UBXN2B: variants seen among roughly 807,000 people sequenced by gnomAD.
UBXN2B encodes UBX domain protein 2B.
A neutral mutation model predicts 37.5 loss-of-function variants in UBXN2B; 19 were observed. The observed-to-expected ratio is 0.51, with a 90% CI of 0.35 to 0.74. UBXN2B has a LOEUF of 0.74. Among genes scored for constraint, UBXN2B ranks in the 30% least tolerant of loss-of-function variants. The pLI is 0.01. For missense variants in UBXN2B, 370 were observed against 393.2 expected (o/e 0.94, Z 0.50); for synonymous variants, 145 against 143.8 (o/e 1.01, Z -0.06).
chr8:58,419,888 A>C (rs1460922004), intron 2 of UBXN2B, among the ~76,000 whole-genome samples: 1 of 152,226 alleles, frequency 6.6e-6, no homozygotes, highest in Non-Finnish European at 1.5e-5. Flanking sequence ...CCATGCTTAG[A>C]AGGGCCCTGT....
At chr8:58,418,960 A>G (rs1807854417) in intron 2 of UBXN2B, among the ~76,000 whole-genome samples, 1 of 152,228 alleles carries the variant, frequency 6.6e-6, no homozygotes, top group Admixed American at 6.5e-5. Flanking sequence ...TACTGTATTA[A>G]TATTTTCCTT....
chr8:58,431,238 C>CT (rs1490875748), intron 3 of UBXN2B, among the ~76,000 whole-genome samples: 5 of 152,198 alleles, frequency 3.3e-5, no homozygotes, highest in African/African-American at 9.7e-5. Context: ...AATCCTAGCA[C>CT]TTTGGGAGGC....
intron 6 of UBXN2B, among the ~76,000 whole-genome samples, chr8:58,442,907 T>A (rs981070588): frequency 1.3e-5 from 2 of 152,218 alleles, no homozygotes; most frequent in Non-Finnish European, 2.9e-5. Context: ...CACTCTCACT[T>A]ACCTGAGATT....
chr8:58,426,628 G>GT (rs943434868), intron 2 of UBXN2B: 2 of 745,036 alleles, frequency 2.7e-6, no homozygotes, highest in African/African-American at 3.4e-5. Flanking sequence ...CTTATCAACA[G>GT]TGGGTTTTCT....
chr8:58,433,817 A>G (rs1808345262), intron 4 of UBXN2B, among the ~76,000 whole-genome samples: 1 of 152,106 alleles, frequency 6.6e-6, no homozygotes, highest in African/African-American at 2.4e-5. Flanking sequence ...ACAAATATAT[A>G]GTTATTATTA....
intron 5 of UBXN2B, among the ~76,000 whole-genome samples, chr8:58,439,204 T>C (rs1808487482): frequency 6.6e-6 from 1 of 152,174 alleles, no homozygotes; most frequent in Non-Finnish European, 1.5e-5. Context: ...GCCTCGGATA[T>C]TTCCTTATAG....
intron 2 of UBXN2B, chr8:58,426,148 A>G: frequency 9.5e-7 from 1 of 1,057,114 alleles, no homozygotes; most frequent in South Asian, 1.2e-5. Flanking sequence ...ACTCAGCCAA[A>G]GTGGAAAATT....
At chr8:58,422,539 G>A (rs1027251320) in intron 2 of UBXN2B, among the ~76,000 whole-genome samples, 3 of 152,270 alleles carry the variant, frequency 2.0e-5, no homozygotes, top group African/African-American at 7.2e-5. Context: ...AGGCACTTAA[G>A]GTGGAACATT....
Position 58,434,480 on chromosome 8 carries a change from A to G in UBXN2B, c.509A>G (p.Gln170Arg). 1 of 1,561,510 alleles carries G rather than the reference A, an allele frequency of 6.4e-7. No individual in the cohort carries two copies. Among genetic ancestry groups the G allele is most frequent in the Non-Finnish European group, 8.7e-7 (1 of 1,155,924 alleles). ...CCTTACAATGAACCAACAAATGCTCAATTTCTGGAGTCTGTTAAGAGAGGG... is the reference window on the plus strand; with the variant it reads ...CCTTACAATGAACCAACAAATGCTCGATTTCTGGAGTCTGTTAAGAGAGGG... The part of the protein sequence containing the change: ...LRPYNEPTNA[Q>R]FLESVKRGEI... Residue 170 changes from glutamine (Q) to arginine (R), a missense_variant, in exon 5 of 8, where the codon CAA becomes CGA. This residue lies in a region of UBXN2B where 90 missense variants were observed against 139.4 expected (regional missense o/e 0.65). Transcript: ENST00000399598.
At chr8:58,440,786 C>A (rs868748218) in intron 6 of UBXN2B, among the ~76,000 whole-genome samples, 5 of 152,062 alleles carry the variant, frequency 3.3e-5, no homozygotes, top group Non-Finnish European at 7.4e-5. Flanking sequence ...GGAAAAAATT[C>A]AATATTGCTT....
chr8:58,429,757 T>C (rs975174774), intron 2 of UBXN2B, among the ~76,000 whole-genome samples: 1 of 152,246 alleles, frequency 6.6e-6, no homozygotes, highest in Non-Finnish European at 1.5e-5. Context: ...TGGAGAGTTA[T>C]AAGTATTTTA....
intron 3 of UBXN2B, 122 bp from the exon 4 acceptor site, chr8:58,433,038 G>A: frequency 1.5e-6 from 1 of 659,368 alleles, no homozygotes; most frequent in Non-Finnish European, 2.5e-6. Context: ...GGTTCTTGAA[G>A]GCTCCCCAGT....
intron 5 of UBXN2B, among the ~76,000 whole-genome samples, chr8:58,435,421 T>A (rs1210333744): frequency 6.6e-6 from 1 of 152,180 alleles, no homozygotes; most frequent in East Asian, 1.9e-4. Context: ...CTAAGAAGTA[T>A]GCTGAAGGCA....
intron 7 of UBXN2B, among the ~76,000 whole-genome samples, chr8:58,446,872 A>G (rs1808689059): frequency 7.7e-6 from 1 of 129,392 alleles, no homozygotes; most frequent in African/African-American, 2.9e-5. Flanking sequence ...ATCTCAGCCC[A>G]CTACAAACTC....
rs975307253 is a variant in UBXN2B at position 58,411,407 on chromosome 8, G to A, written c.22G>A (p.Glu8Lys). The A allele has an allele frequency of 3.2e-6, 4 of 1,268,916 alleles. No homozygotes were observed. The highest frequency in any genetic ancestry group is 3.1e-5 in the African/African-American group (2 of 64,576). 78.6% of individuals were successfully genotyped at this position (1,268,916 alleles called of 1,614,324 possible). The change falls in exon 1 of 8, where the codon GAG (glutamate) becomes AAG (lysine). Residue 8 changes from glutamate to lysine, a missense_variant. This residue lies in a region of UBXN2B where 197 missense variants were observed against 170.2 expected (regional missense o/e 1.16). Transcript: ENST00000399598. ...GAAGATGGCGGAGGGCGGAGGCCCT[G>A]AGCCCGGCGAGCAGGAGAGGAGGTC... MAEGGGP[E>K]PGEQERRSSG...
Position 58,425,998 on chromosome 8 carries a change from C to A in UBXN2B, c.189-4521C>A, listed in dbSNP as rs563094418. The A allele has an allele frequency of 3.5e-6, 5 of 1,447,146 alleles. No individual in the cohort carries two copies. The East Asian group carries it at 6.8e-5, about 20-fold the overall frequency. The allele number at this position is 1,447,146 out of a possible 1,614,324, so 89.6% of individuals were successfully genotyped here. A position where few individuals can be genotyped will look rare whatever the true frequency, so the allele number is the denominator to read the frequency against. On this transcript the variant is annotated intron_variant, in intron 2 of 7. Transcript: ENST00000399598. ...GTTTTCCTTTTTCAGTTAATAATTT[C>A]TCTGCTTCTTTCCCAGAGAGGTGTC...
chr8:58,446,202 A>G (rs917182066), intron 7 of UBXN2B, 134 bp downstream of exon 7: 38 of 931,544 alleles, frequency 4.1e-5, no homozygotes, highest in Non-Finnish European at 5.4e-5. Context: ...AGTTTTTGAC[A>G]GAAGAAACAT....
chr8:58,421,802 A>G (rs1274095871), intron 2 of UBXN2B, among the ~76,000 whole-genome samples: 1 of 152,240 alleles, frequency 6.6e-6, no homozygotes, highest in African/African-American at 2.4e-5. Context: ...AGGGACTATG[A>G]TAACTCTGGC....
chr8:58,437,318 C>CTTTTTTT (rs773987509), intron 5 of UBXN2B, among the ~76,000 whole-genome samples: 11 of 74,262 alleles, frequency 1.5e-4, no homozygotes, highest in African/African-American at 5.0e-4. Context: ...GAAGAAATTT[C>CTTTTTTT]TTTTTTTTTT....
Sources: gnomAD v4.1 joint callset for allele counts (sites outside exome capture counted in the v4.1 genomes callset) on GRCh38, gnomAD v4.1.1 for gene constraint, gnomAD v4.1.1 regional missense constraint, MANE v1.5 for transcripts, NCBI Gene and HGNC (gene_info 2026-07-23, HGNC 2026-07-21) for gene names.